Variants in PRKDC observed in about 807,000 individuals in gnomAD.
The protein encoded by PRKDC is DNA-dependent protein kinase catalytic subunit.
In PRKDC, 82 loss-of-function variants were observed where a neutral mutation model predicts 486.9. The observed-to-expected ratio is 0.17, with a 90% CI of 0.14 to 0.20. The LOEUF (loss-of-function observed/expected upper bound fraction) is 0.20. Ranked by LOEUF, PRKDC falls within the 10% of genes least tolerant of loss-of-function variation. The probability of loss-of-function intolerance (pLI) is 1.00; values close to 1 mark genes in which losing one functional copy is unlikely to be tolerated. For missense variants in PRKDC, 4,504 were observed against 5,038.2 expected, an observed-to-expected ratio of 0.89 and a Z score of 3.21; for synonymous variants, 1,895 against 1,837.0, an observed-to-expected ratio of 1.03 and a Z score of -0.81.
intron 42 of PRKDC, among the ~76,000 whole-genome samples, chr8:47,862,793 A>C (rs1029514158): frequency 6.6e-6 from 1 of 152,238 alleles, no homozygotes. Flanking sequence ...GTAAGTAAAG[A>C]GAGGGAAGGA....
chr8:47,822,635 A>G (rs1349954743), intron 64 of PRKDC, among the ~76,000 whole-genome samples: 1 of 151,520 alleles, frequency 6.6e-6, no homozygotes, highest in Non-Finnish European at 1.5e-5. Flanking sequence ...CTAAAAATAC[A>G]AAAAATTAGC....
chr8:47,879,347 T>A lies in PRKDC; in HGVS notation c.5235+144A>T, dbSNP rs945467294. On this transcript the variant is annotated intron_variant, in intron 39 of 85. Transcript: ENST00000314191. ...GTAAAAATGTACTGTACAAGCTTTG[T>A]GTAGAAAGAACATTTTGAATAACCT... 3 of 711,144 alleles carry A rather than the reference T, an allele frequency of 4.2e-6. No individual in the cohort carries two copies. In the Admixed American group the frequency reaches 1.0e-4, roughly 24 times the overall value. The allele number at this position is 711,144 out of a possible 1,614,324, so 44.1% of individuals were successfully genotyped here. A position where few individuals can be genotyped will look rare whatever the true frequency, so the allele number is the denominator to read the frequency against.
chr8:47,808,624 G>A (rs997244988), intron 68 of PRKDC, among the ~76,000 whole-genome samples: 3 of 152,126 alleles, frequency 2.0e-5, no homozygotes, highest in Non-Finnish European at 2.9e-5. Context: ...ATAGGCGTGT[G>A]CCACCATGCC....
intron 74 of PRKDC, among the ~76,000 whole-genome samples, chr8:47,793,802 T>C (rs1024824387): frequency 6.7e-6 from 1 of 149,242 alleles, no homozygotes; most frequent in African/African-American, 2.5e-5. Flanking sequence ...CCCCAAAACC[T>C]CATGATGGAG....
intron 58 of PRKDC, among the ~76,000 whole-genome samples, chr8:47,835,769 G>GTTT (rs925143451): frequency 6.9e-6 from 1 of 145,320 alleles, no homozygotes; most frequent in East Asian, 2.0e-4. Flanking sequence ...TTGCTTTTTG[G>GTTT]TTTTTTTTTT....
intron 21 of PRKDC, among the ~76,000 whole-genome samples, chr8:47,925,720 G>A (rs945931520): frequency 2.0e-5 from 3 of 152,096 alleles, no homozygotes; most frequent in Admixed American, 2.0e-4. Context: ...GACACCTTCG[G>A]CTTATTCACA....
intron 25 of PRKDC, among the ~76,000 whole-genome samples, chr8:47,910,255 C>A (rs538990308): frequency 9.2e-5 from 14 of 152,270 alleles, no homozygotes; most frequent in South Asian, 6.2e-4. Context: ...GGCTATCAAT[C>A]CCCCTGGTCA....
chr8:47,829,765 A>T (rs575327413), intron 61 of PRKDC, among the ~76,000 whole-genome samples: 1 of 152,326 alleles, frequency 6.6e-6, no homozygotes, highest in Non-Finnish European at 1.5e-5. Flanking sequence ...TGCCGAAAGA[A>T]ATCATAAAAG....
chr8:47,950,778 T>C (rs981284043), intron 7 of PRKDC, among the ~76,000 whole-genome samples: 3 of 150,776 alleles, frequency 2.0e-5, no homozygotes, highest in Non-Finnish European at 3.0e-5. Flanking sequence ...ATGGGAGGAG[T>C]TCAATACCAG....
At chr8:47,788,088 A>G (rs1437811686) in intron 76 of PRKDC, among the ~76,000 whole-genome samples, 1 of 152,268 alleles carries the variant, frequency 6.6e-6, no homozygotes, top group Non-Finnish European at 1.5e-5. Flanking sequence ...TTAATGAATA[A>G]AAGTAATTTT....
At chr8:47,831,288 G>A (rs913944637) in intron 60 of PRKDC, among the ~76,000 whole-genome samples, 1 of 152,252 alleles carries the variant, frequency 6.6e-6, no homozygotes, top group Admixed American at 6.5e-5. Context: ...AGCCGCTCCT[G>A]TGGCGGCGGC....
rs187161556 is a variant in PRKDC at position 47,826,149 on chromosome 8, T to G, written c.8783+507A>C. 4.0e-3 allele frequency among the ~76,000 whole-genome samples: 607 copies of G among 152,348 alleles called. 4 individuals carry two copies. The highest frequency in any genetic ancestry group is 0.025 in the South Asian group (121 of 4,834). On this transcript the variant is annotated intron_variant, in intron 63 of 85. Coordinates refer to ENST00000314191, the MANE Select transcript of PRKDC (RefSeq NM_006904.7). ...CTTAACCTAACAACCTCCTCAGAATTAGGCTTTCATATGATGAGATCACAG... is the reference window on the plus strand; with the variant it reads ...CTTAACCTAACAACCTCCTCAGAATGAGGCTTTCATATGATGAGATCACAG...
intron 21 of PRKDC, among the ~76,000 whole-genome samples, chr8:47,923,114 AGTGCAACGGC>A (rs2090100035): frequency 6.7e-6 from 1 of 149,152 alleles, no homozygotes; most frequent in South Asian, 2.1e-4. Flanking sequence ...CCCAGGCTGG[AGTGCAACGGC>A]GTGATCTCGG....
chr8:47,818,248 G>C (rs372719270), intron 67 of PRKDC, among the ~76,000 whole-genome samples: 1 of 152,002 alleles, frequency 6.6e-6, no homozygotes, highest in South Asian at 2.1e-4. Flanking sequence ...TCTAAAAAAT[G>C]AGGAGAAAAA....
Position 47,822,759 on chromosome 8 carries a change from C to A in PRKDC, c.8923-967G>T, listed in dbSNP as rs1369246579. Among the ~76,000 whole-genome samples, 3 of 152,284 alleles carry A rather than the reference C, an allele frequency of 2.0e-5. No homozygotes were observed. The South Asian group carries it at 6.2e-4, about 32-fold the overall frequency. Reference sequence around the variant, plus strand: ...GAGCCCAGATTGCGCCACTGCACTCCAGCGTGGGCGACAGAGTGAGACTCT... The same window carrying A: ...GAGCCCAGATTGCGCCACTGCACTCAAGCGTGGGCGACAGAGTGAGACTCT... On this transcript the variant is annotated intron_variant, in intron 64 of 85. Coordinates refer to ENST00000314191, the MANE Select transcript of PRKDC (RefSeq NM_006904.7).
chr8:47,952,037 A>G (rs1172539028), intron 7 of PRKDC, among the ~76,000 whole-genome samples: 1 of 152,234 alleles, frequency 6.6e-6, no homozygotes, highest in Admixed American at 6.5e-5. Flanking sequence ...TGCTGCAGCT[A>G]CTGTGAAAAA....
Position 47,852,754 on chromosome 8 carries a change from G to C in PRKDC, c.6924C>G (p.Ser2308=). ...CATACACTTCTTTATATCTTACAAA[G>C]GACATATTATTCACCAAAGCCTGGA... The part of the protein sequence containing the change: ...EYFQALVNNM[S]FVRYKEVYAA... Residue 2308 remains serine (S), a synonymous_variant, in exon 52 of 86, where the codon TCC becomes TCG. Transcript: ENST00000314191. 1 of 1,574,698 alleles carries C rather than the reference G, an allele frequency of 6.4e-7. No homozygotes were observed. The highest frequency in any genetic ancestry group is 8.6e-7 in the Non-Finnish European group (1 of 1,158,594).
intron 85 of PRKDC, among the ~76,000 whole-genome samples, chr8:47,776,561 A>C: frequency 6.6e-6 from 1 of 152,232 alleles, no homozygotes; most frequent in East Asian, 1.9e-4. Context: ...ATATTCTGGC[A>C]ACTGTCTAAG....
chr8:47,787,350 G>T (rs1027846988), intron 76 of PRKDC, among the ~76,000 whole-genome samples: 12 of 152,150 alleles, frequency 7.9e-5, no homozygotes, highest in Admixed American at 2.0e-4. Flanking sequence ...ATCTGTAAGT[G>T]GATGAAAAAT....
Sources: gnomAD v4.1 joint callset for allele counts (sites outside exome capture counted in the v4.1 genomes callset) on GRCh38, gnomAD v4.1.1 for gene constraint, MANE v1.5 for transcripts, NCBI Gene and HGNC (gene_info 2026-07-23, HGNC 2026-07-21) for gene names.